The following BACH2 variants were observed in gnomAD, a reference collection of about 807,000 sequenced individuals.
BACH2 encodes transcription regulator protein BACH2.
In BACH2, 5 loss-of-function variants were observed where a neutral mutation model predicts 61.8. That is an observed-to-expected ratio of 0.08 (90% CI 0.04 to 0.17). The LOEUF (loss-of-function observed/expected upper bound fraction) is 0.17, where lower values mean the gene tolerates loss of function less well. Ranked by LOEUF, BACH2 falls within the 10% of genes least tolerant of loss-of-function variation. The pLI, the probability that BACH2 is intolerant of heterozygous loss-of-function variation, is 1.00. For missense variants in BACH2, 824 were observed against 1,091.1 expected, an observed-to-expected ratio of 0.76 and a Z score of 3.45; for synonymous variants, 446 against 440.1, an observed-to-expected ratio of 1.01 and a Z score of -0.17.
intron 4 of BACH2, among the ~76,000 whole-genome samples, chr6:90,154,576 T>A (rs1008997771): frequency 3.9e-5 from 6 of 152,170 alleles, no homozygotes; most frequent in Admixed American, 6.5e-5. Context: ...AAGTTCATAA[T>A]GAGCCAGGGT....
intron 1 of BACH2, among the ~76,000 whole-genome samples, chr6:90,286,253 A>G (rs1449445819): frequency 6.6e-6 from 1 of 152,224 alleles, no homozygotes; most frequent in Non-Finnish European, 1.5e-5. Flanking sequence ...TCAAACCCAC[A>G]ATATCAACAC....
rs541357036 is a variant in BACH2 at position 90,265,789 on chromosome 6, C to T, written c.-353+6060G>A. 3.9e-5 allele frequency among the ~76,000 whole-genome samples: 6 copies of T among 152,250 alleles called. No individual in the cohort carries two copies. The South Asian group carries it at 1.2e-3, about 32-fold the overall frequency. On this transcript the variant is annotated intron_variant, in intron 2 of 8. Transcript: ENST00000257749. ...TCAACTCATTTTAAACTTAATACTA[C>T]CTTGTGAAGTATGTAATGTCCTGGG...
intron 4 of BACH2, among the ~76,000 whole-genome samples, chr6:90,165,520 C>T (rs1767579285): frequency 6.6e-6 from 1 of 152,102 alleles, no homozygotes; most frequent in African/African-American, 2.4e-5. Context: ...CCCCATCAAG[C>T]TACCAATGAC....
intron 6 of BACH2, among the ~76,000 whole-genome samples, chr6:89,978,186 CAAAG>C (rs1157271395): frequency 6.6e-6 from 1 of 152,132 alleles, no homozygotes; most frequent in Non-Finnish European, 1.5e-5. Context: ...AGAGTGGAGA[CAAAG>C]AGACAAATTA....
chr6:90,103,025 A>ATT (rs1440363076), intron 4 of BACH2, among the ~76,000 whole-genome samples: 42 of 27,504 alleles, frequency 1.5e-3, no homozygotes, highest in Non-Finnish European at 2.7e-3. Flanking sequence ...ATATATATAT[A>ATT]TATATTTTTT....
chr6:90,275,864 G>C (rs7771689), intron 1 of BACH2, among the ~76,000 whole-genome samples: 16,905 of 152,042 alleles, frequency 0.11, 1,029 homozygotes, highest in South Asian at 0.16. Context: ...AGCTACTTGG[G>C]AGGCTGAGGC....
At chr6:89,959,059 T>C (rs114471927) in intron 6 of BACH2, among the ~76,000 whole-genome samples, 2 of 151,060 alleles carry the variant, frequency 1.3e-5, no homozygotes, top group African/African-American at 4.9e-5. Flanking sequence ...TTTATGCTCA[T>C]GAAGCTGGCC....
intron 3 of BACH2, among the ~76,000 whole-genome samples, chr6:90,225,441 G>A (rs1278808467): frequency 6.6e-6 from 1 of 152,118 alleles, no homozygotes; most frequent in East Asian, 1.9e-4. Context: ...AGTTAGTGGG[G>A]AGAGACAGAC....
intron 4 of BACH2, among the ~76,000 whole-genome samples, chr6:90,186,963 G>A (rs1768379619): frequency 6.6e-6 from 1 of 152,204 alleles, no homozygotes; most frequent in South Asian, 2.1e-4. Flanking sequence ...CTAATTAAGT[G>A]TGAAATCAAA....
At chr6:90,202,807 G>A (rs1768999679) in intron 4 of BACH2, among the ~76,000 whole-genome samples, 1 of 152,174 alleles carries the variant, frequency 6.6e-6, no homozygotes, top group Admixed American at 6.5e-5. Context: ...GATCTTTCAA[G>A]AGAAGAACAA....
At position 90,214,111 on chromosome 6, in the gene BACH2, T is replaced by G. The variant is rs1480051378; in HGVS notation, c.-274-7430A>C. On this transcript the variant is annotated intron_variant, in intron 3 of 8. Coordinates refer to ENST00000257749, the MANE Select transcript of BACH2 (RefSeq NM_021813.4). The stretch of plus-strand genomic sequence containing the variant: ...GTCCTATTAATAAATTAAGGAATCA[T>G]GCATTAAGTTTAGCATTCTCAACTC... Among the ~76,000 whole-genome samples, 3 of 152,190 alleles carry G rather than the reference T, an allele frequency of 2.0e-5. No individual in the cohort carries two copies. In the East Asian group the frequency reaches 5.8e-4, roughly 29 times the overall value.
chr6:90,131,137 T>A (rs1784064836), intron 4 of BACH2, among the ~76,000 whole-genome samples: 1 of 152,160 alleles, frequency 6.6e-6, no homozygotes, highest in Admixed American at 6.5e-5. Context: ...AGTAGAAGCA[T>A]GTACCAGTTA....
rs1331948678 is a variant in BACH2 at position 90,057,576 on chromosome 6, A to T, written c.-13+31385T>A. On this transcript the variant is annotated intron_variant, in intron 5 of 8. Coordinates refer to ENST00000257749, the MANE Select transcript of BACH2 (RefSeq NM_021813.4). ...AGGAGCTGGTACCATTCCTTCTGAA[A>T]CTATTCCAATCAACAGAAAAAGAGG... 2.0e-5 allele frequency among the ~76,000 whole-genome samples: 3 copies of T among 152,342 alleles called. No homozygotes were observed. In the East Asian group the frequency reaches 5.8e-4, roughly 29 times the overall value.
At chr6:90,234,121 G>A (rs753511908) in intron 3 of BACH2, among the ~76,000 whole-genome samples, 1 of 152,158 alleles carries the variant, frequency 6.6e-6, no homozygotes, top group Non-Finnish European at 1.5e-5. Flanking sequence ...TGGGCTGTGC[G>A]GATTGGGGAG....
intron 6 of BACH2, among the ~76,000 whole-genome samples, chr6:90,002,038 A>G (rs1284761312): frequency 6.6e-6 from 1 of 152,204 alleles, no homozygotes; most frequent in East Asian, 1.9e-4. Flanking sequence ...CAACGAAATC[A>G]CAAATGGCCT....
In BACH2 at chr6:89,947,794, A is replaced by C. The variant is rs1454468263; in HGVS notation, c.1836+2476T>G. ...CACCGTGTTAGCCAGGATGGTCTCG[A>C]TCTCCCGACCTTGTGATTCGCCCGC... On this transcript the variant is annotated intron_variant, in intron 7 of 8. Coordinates refer to ENST00000257749, the MANE Select transcript of BACH2 (RefSeq NM_021813.4). 2.6e-5 allele frequency among the ~76,000 whole-genome samples: 4 copies of C among 151,780 alleles called. No homozygotes were observed. In the East Asian group the frequency reaches 7.8e-4, roughly 29 times the overall value.
chr6:90,036,047 TTCTAAG>T (rs957430804), intron 5 of BACH2, among the ~76,000 whole-genome samples: 18 of 151,936 alleles, frequency 1.2e-4, no homozygotes, highest in African/African-American at 3.9e-4. Context: ...GGAAGAACCA[TTCTAAG>T]AGAACACCAT....
intron 4 of BACH2, among the ~76,000 whole-genome samples, chr6:90,186,647 C>T (rs1274394527): frequency 1.3e-5 from 2 of 152,104 alleles, no homozygotes; most frequent in Non-Finnish European, 2.9e-5. Flanking sequence ...CTGGAGAAGT[C>T]ACTTTTTGAG....
intron 4 of BACH2, among the ~76,000 whole-genome samples, chr6:90,169,581 T>G (rs960011473): frequency 6.6e-6 from 1 of 152,216 alleles, no homozygotes; most frequent in African/African-American, 2.4e-5. Context: ...AGCATGGTCA[T>G]GCCCTTGTGG....
Sources: gnomAD v4.1 joint callset for allele counts (sites outside exome capture counted in the v4.1 genomes callset) on GRCh38, gnomAD v4.1.1 for gene constraint, MANE v1.5 for transcripts, NCBI Gene and HGNC (gene_info 2026-07-23, HGNC 2026-07-21) for gene names.